Variants in ADCY2 observed in about 807,000 individuals in gnomAD.
ADCY2 encodes adenylate cyclase 2.
In ADCY2, 31 loss-of-function variants were observed where a neutral mutation model predicts 125.2. The ratio of observed to expected loss-of-function variants is 0.25; its 90% CI spans 0.19 to 0.33. The LOEUF is 0.33. Ranked by LOEUF, ADCY2 falls within the 10% of genes least tolerant of loss-of-function variation. The probability of loss-of-function intolerance (pLI) is 1.00; values close to 1 mark genes in which losing one functional copy is unlikely to be tolerated. For missense variants in ADCY2, 904 were observed against 1,418.2 expected, an observed-to-expected ratio of 0.64 and a Z score of 5.82; for synonymous variants, 512 against 548.4, an observed-to-expected ratio of 0.93 and a Z score of 0.93.
rs535483131 is a variant in ADCY2 at position 7,806,316 on chromosome 5, A to G, written c.2883+1624A>G. 1.2e-4 allele frequency among the ~76,000 whole-genome samples: 18 copies of G among 152,252 alleles called. No homozygotes were observed. In the East Asian group the frequency reaches 3.3e-3, roughly 28 times the overall value. On this transcript the variant is annotated intron_variant, in intron 22 of 24. Coordinates refer to ENST00000338316, the MANE Select transcript of ADCY2 (RefSeq NM_020546.3). ...TGTTCTGGAAAACATTGACCATTAA[A>G]AAAAAAATAACATTAAGACATGTAT...
chr5:7,690,764 A>G lies in ADCY2; in HGVS notation c.794A>G (p.Gln265Arg). Residue 265 changes from glutamine to arginine, a missense_variant, in exon 5 of 25, where the codon CAG (glutamine) becomes CGG (arginine). Gln to Arg is a conservative substitution (Grantham distance 43). This residue lies in a region of ADCY2 where 117 missense variants were observed against 248.0 expected (regional missense o/e 0.47). Coordinates refer to ENST00000338316, the MANE Select transcript of ADCY2 (RefSeq NM_020546.3). ...AAAGCGGAGATCATCCAGAGGCTGCAGGGCCCCAAGGCGGGCCAGATGGAG... is the reference window on the plus strand; with the variant it reads ...AAAGCGGAGATCATCCAGAGGCTGCGGGGCCCCAAGGCGGGCCAGATGGAG... ...EMKAEIIQRL[Q>R]GPKAGQMENT... 6.2e-7 allele frequency: 1 copy of G among 1,610,670 alleles called. No homozygotes were observed. The highest frequency in any genetic ancestry group is 8.5e-7 in the Non-Finnish European group (1 of 1,178,720).
intron 1 of ADCY2, among the ~76,000 whole-genome samples, chr5:7,403,095 TC>T (rs1184059718): frequency 6.6e-6 from 1 of 152,158 alleles, no homozygotes; most frequent in Non-Finnish European, 1.5e-5. Flanking sequence ...GTGTGCTTAC[TC>T]CCAACACTGA....
chr5:7,741,623 T>TCACCAACAC (rs1742414624), intron 14 of ADCY2, among the ~76,000 whole-genome samples: 3 of 25,290 alleles, frequency 1.2e-4, no homozygotes, highest in Non-Finnish European at 1.9e-4. Flanking sequence ...ATCACCATCA[T>TCACCAACAC]TATCACCATC....
intron 3 of ADCY2, among the ~76,000 whole-genome samples, chr5:7,539,366 A>T (rs919862223): frequency 2.6e-5 from 4 of 151,708 alleles, no homozygotes; most frequent in African/African-American, 9.6e-5. Flanking sequence ...AAAAAAAAAA[A>T]AATAAAACCT....
intron 14 of ADCY2, among the ~76,000 whole-genome samples, chr5:7,740,961 G>A (rs891792605): frequency 1.3e-5 from 2 of 151,930 alleles, no homozygotes; most frequent in Non-Finnish European, 2.9e-5. Flanking sequence ...AATTAATATA[G>A]AAAGAAAGAA....
intron 2 of ADCY2, among the ~76,000 whole-genome samples, chr5:7,447,814 G>A (rs781135728): frequency 1.3e-5 from 2 of 152,172 alleles, no homozygotes; most frequent in East Asian, 1.9e-4. Flanking sequence ...TTGGTTTAAC[G>A]GGGAGGCTGG....
chr5:7,643,634 T>C (rs1394420253), intron 4 of ADCY2, among the ~76,000 whole-genome samples: 1 of 151,994 alleles, frequency 6.6e-6, no homozygotes, highest in East Asian at 1.9e-4. Context: ...TCTTTAAACA[T>C]TTATCTTTTA....
chr5:7,767,567 C>T (rs779992675), intron 17 of ADCY2, among the ~76,000 whole-genome samples: 29 of 152,272 alleles, frequency 1.9e-4, no homozygotes, highest in Middle Eastern at 3.4e-3. Flanking sequence ...TTAATATGTA[C>T]GCTTTCAAAA....
chr5:7,771,413 T>C (rs1216754831), intron 17 of ADCY2, among the ~76,000 whole-genome samples: 1 of 152,222 alleles, frequency 6.6e-6, no homozygotes, highest in Non-Finnish European at 1.5e-5. Context: ...TGCTGCCACC[T>C]GAAGTGAAGG....
rs867180427 is a variant in ADCY2, at chr5:7,829,810, A to C, written c.*2939A>C. On this transcript the variant is annotated 3_prime_UTR_variant, in exon 25 of 25. Transcript: ENST00000338316. ...CAGGTAACATCATCAGGCCGGGTGC[A>C]GTGGCTCCTATAATCCCAATATTTT... is the stretch of plus-strand genomic sequence containing the variant. 10 of 152,340 alleles carry C rather than the reference A, an allele frequency of 6.6e-5. No homozygotes were observed. Among genetic ancestry groups the C allele is most frequent in the Non-Finnish European group, 1.2e-4 (8 of 68,144 alleles). 9.4% of individuals were successfully genotyped at this position (152,340 alleles called of 1,614,324 possible). A position where few individuals can be genotyped will look rare whatever the true frequency, so the allele number is the denominator to read the frequency against.
intron 3 of ADCY2, among the ~76,000 whole-genome samples, chr5:7,625,669 A>C (rs906968198): frequency 3.9e-5 from 6 of 152,212 alleles, no homozygotes; most frequent in Non-Finnish European, 5.9e-5. Flanking sequence ...GGCAGTTTGT[A>C]TCACAATAAT....
At chr5:7,773,160 G>A in intron 18 of ADCY2, 59 bp downstream of exon 18, 4 of 1,541,838 alleles carry the variant, frequency 2.6e-6, no homozygotes, top group South Asian at 1.2e-5. Flanking sequence ...TGGATAGCAT[G>A]AGTGTGTGTT....
In ADCY2 at chr5:7,769,162, T is replaced by A. The variant is rs143911594; in HGVS notation, c.2214+2356T>A. ...CACAAGACAGACACACTTTTTACCC[T>A]GTAACACTAATTTTGAAAATTAATT... On this transcript the variant is annotated intron_variant, in intron 17 of 24. Coordinates refer to ENST00000338316, the MANE Select transcript of ADCY2 (RefSeq NM_020546.3). 5.2e-4 allele frequency among the ~76,000 whole-genome samples: 79 copies of A among 152,336 alleles called. 1 individual carries two copies. In the East Asian group the frequency reaches 0.015, roughly 28 times the overall value.
intron 2 of ADCY2, among the ~76,000 whole-genome samples, chr5:7,500,939 A>G (rs1166328348): frequency 1.3e-5 from 2 of 152,150 alleles, no homozygotes; most frequent in Non-Finnish European, 2.9e-5. Context: ...AAAATGATCA[A>G]CACAAGCTTC....
chr5:7,441,774 A>G (rs1741025250), intron 2 of ADCY2, among the ~76,000 whole-genome samples: 2 of 152,138 alleles, frequency 1.3e-5, no homozygotes, highest in Admixed American at 6.5e-5. Flanking sequence ...TAATCAATTG[A>G]CTTCAAAGAG....
rs766164502 is a variant in ADCY2 at position 7,712,862 on chromosome 5, C to T, written c.1585C>T (p.Pro529Ser). The T allele has an allele frequency of 1.9e-6, 3 of 1,607,866 alleles. No homozygotes were observed. Among genetic ancestry groups the T allele is most frequent in the African/African-American group, 2.7e-5 (2 of 74,880 alleles). Residue 529 changes from proline to serine, a missense_variant, in exon 11 of 25, where the codon CCC (proline) becomes TCC (serine). This residue lies in a region of ADCY2 where 144 missense variants were observed against 227.7 expected (regional missense o/e 0.63). Transcript: ENST00000338316. ...ENGKISTTDV[P>S]MGQHNFQNRT... Reference sequence around the variant, plus strand: ...ACCTTTTTTCTCAATATAGGATGTACCCATGGGTCAGCATAATTTTCAAAA... The same window carrying T: ...ACCTTTTTTCTCAATATAGGATGTATCCATGGGTCAGCATAATTTTCAAAA...
At chr5:7,601,504 A>G (rs1039385316) in intron 3 of ADCY2, among the ~76,000 whole-genome samples, 5 of 152,190 alleles carry the variant, frequency 3.3e-5, no homozygotes, top group Admixed American at 1.3e-4. Flanking sequence ...TCTCACCTTC[A>G]AGCCATGTTC....
chr5:7,499,623 C>T (rs1743472790), intron 2 of ADCY2, among the ~76,000 whole-genome samples: 1 of 130,384 alleles, frequency 7.7e-6, no homozygotes, highest in African/African-American at 2.9e-5. Context: ...GAACAGAGCA[C>T]TAAAGAAGTA....
intron 2 of ADCY2, among the ~76,000 whole-genome samples, chr5:7,418,322 G>T (rs1177099628): frequency 6.6e-6 from 1 of 152,184 alleles, no homozygotes; most frequent in African/African-American, 2.4e-5. Flanking sequence ...AATTTTGCAG[G>T]TTGGGAGGCC....
Sources: allele counts gnomAD v4.1 joint callset (sites outside exome capture counted in the v4.1 genomes callset), GRCh38; gene constraint gnomAD v4.1.1; regional missense constraint gnomAD v4.1.1; transcripts MANE v1.5; gene names NCBI Gene and HGNC (gene_info 2026-07-23, HGNC 2026-07-21).